Variants in PDK1 observed in about 807,000 individuals in gnomAD.
PDK1 encodes the protein [Pyruvate dehydrogenase (acetyl-transferring)] kinase isozyme 1, mitochondrial.
Under a neutral mutation model 54.2 loss-of-function variants are expected in PDK1, and 39 were observed. The ratio of observed to expected loss-of-function variants is 0.72; its 90% CI spans 0.56 to 0.94. The LOEUF (loss-of-function observed/expected upper bound fraction) is 0.94. PDK1 is among the 40% of genes least tolerant of loss of function. The pLI is 0.00. For synonymous variants in PDK1, 221 were observed against 207.1 expected (o/e 1.07, Z -0.58); for missense variants, 552 against 566.0 (o/e 0.98, Z 0.25).
intron 8 of PDK1, among the ~76,000 whole-genome samples, chr2:172,585,623 T>C (rs1431951079): frequency 6.6e-6 from 1 of 152,078 alleles, no homozygotes; most frequent in Admixed American, 6.6e-5. Flanking sequence ...TTTAATTTGC[T>C]TCTAGTCACC....
intron 5 of PDK1, among the ~76,000 whole-genome samples, chr2:172,565,581 G>A (rs935861176): frequency 6.8e-6 from 1 of 146,580 alleles, no homozygotes; most frequent in Non-Finnish European, 1.5e-5. Flanking sequence ...GATTACAGGC[G>A]TGAGCCACCG....
the PDK1 span, among the ~76,000 whole-genome samples, chr2:172,647,041 G>A: frequency 1.3e-5 from 2 of 152,080 alleles, no homozygotes; most frequent in African/African-American, 2.4e-5. Context: ...CCAGCCTAAC[G>A]TGTTCCCAGG....
chr2:172,583,743 GGTAA>G (rs1403688939), intron 8 of PDK1, among the ~76,000 whole-genome samples: 1 of 151,712 alleles, frequency 6.6e-6, no homozygotes, highest in Non-Finnish European at 1.5e-5. Flanking sequence ...CCATTATAAA[GGTAA>G]TATATATATA....
At chr2:172,571,527 G>C (rs1393021519) in intron 8 of PDK1, among the ~76,000 whole-genome samples, 1 of 152,018 alleles carries the variant, frequency 6.6e-6, no homozygotes, top group Non-Finnish European at 1.5e-5. Context: ...TGCAAGCCTG[G>C]CTAATTAAAA....
At chr2:172,664,347 T>C in the PDK1 span, among the ~76,000 whole-genome samples, 2 of 128,768 alleles carry the variant, frequency 1.6e-5, no homozygotes, top group African/African-American at 5.7e-5. Context: ...ATTGCCTTGC[T>C]TTATATGTTG....
rs748707861 is a variant in PDK1 at position 172,570,802 on chromosome 2, G to A, written c.923G>A (p.Gly308Asp). The stretch of plus-strand genomic sequence containing the variant: ...CCTATTCAAGTTCATGTCACGCTGG[G>A]TAATGAGGATTTGACTGTGAAGGTA... Reference protein sequence around the residue: ...YPPIQVHVTLGNEDLTVKMSD... With the variant: ...YPPIQVHVTLDNEDLTVKMSD... Residue 308 changes from glycine to aspartate, a missense_variant, in exon 8 of 11, where the codon GGT becomes GAT. Gly to Asp is a moderately conservative substitution (Grantham distance 94, BLOSUM62 -1). Coordinates refer to ENST00000282077, the MANE Select transcript of PDK1 (RefSeq NM_002610.5). 1.9e-6 allele frequency: 3 copies of A among 1,605,680 alleles called. No individual in the cohort carries two copies. Among genetic ancestry groups the A allele is most frequent in the Non-Finnish European group, 2.6e-6 (3 of 1,173,154 alleles).
At chr2:172,718,853 A>G in the PDK1 span, among the ~76,000 whole-genome samples, 2 of 152,214 alleles carry the variant, frequency 1.3e-5, no homozygotes, top group Non-Finnish European at 2.9e-5. Flanking sequence ...ATATGTTTAT[A>G]TATTTTAAAA....
intron 8 of PDK1, among the ~76,000 whole-genome samples, chr2:172,586,028 A>G (rs11884789): frequency 0.36 from 54,418 of 151,600 alleles, 11,914 homozygotes; most frequent in East Asian, 0.77. Flanking sequence ...GCATGGTGGC[A>G]GGCGCCTGTA....
the PDK1 span, among the ~76,000 whole-genome samples, chr2:172,665,542 C>T: frequency 1.3e-5 from 2 of 152,116 alleles, no homozygotes; most frequent in African/African-American, 4.8e-5. Context: ...TTGTTTGGAT[C>T]CATGAAGAGG....
the PDK1 span, among the ~76,000 whole-genome samples, chr2:172,710,088 C>T: frequency 1.3e-5 from 2 of 152,152 alleles, no homozygotes; most frequent in Non-Finnish European, 1.5e-5. Flanking sequence ...GCCAGGGGAA[C>T]TTAGTGCAGG....
At position 172,564,555 on chromosome 2, in the gene PDK1, A is replaced by G; in HGVS notation, c.463A>G (p.Thr155Ala). The change falls in exon 4 of 11, where the codon ACA becomes GCA. Residue 155 changes from threonine (T) to alanine (A), a missense_variant. Thr to Ala is a moderately conservative substitution (Grantham distance 58, BLOSUM62 0). Transcript: ENST00000282077. ...AAACCGACACAATGATGTCATTCCC[A>G]CAATGGCCCAGGGTGTGATTGAATA... ...IRNRHNDVIP[T>A]MAQGVIEYKE... 2 of 1,614,120 alleles carry G rather than the reference A, an allele frequency of 1.2e-6. No individual in the cohort carries two copies. Among genetic ancestry groups the G allele is most frequent in the Non-Finnish European group, 1.7e-6 (2 of 1,179,946 alleles).
At chr2:172,622,850 A>G in the PDK1 span, among the ~76,000 whole-genome samples, 1 of 147,224 alleles carries the variant, frequency 6.8e-6, no homozygotes, top group Non-Finnish European at 1.5e-5. Flanking sequence ...ATATGTTTAT[A>G]TATTATATGT....
the PDK1 span, chr2:172,677,289 A>G: frequency 6.6e-6 from 1 of 152,334 alleles, no homozygotes; most frequent in Admixed American, 6.5e-5. Flanking sequence ...GGGACCGGAA[A>G]GTTCAGAGAT....
the PDK1 span, among the ~76,000 whole-genome samples, chr2:172,617,361 TA>T: frequency 1.3e-5 from 2 of 152,096 alleles, no homozygotes; most frequent in Non-Finnish European, 2.9e-5. Flanking sequence ...TTATATTAAA[TA>T]AAAAATATTC....
chr2:172,579,779 T>C (rs1296971612), intron 8 of PDK1, among the ~76,000 whole-genome samples: 1 of 151,912 alleles, frequency 6.6e-6, no homozygotes. Context: ...TTTTCTTACT[T>C]ACTGGGCTGT....
Position 172,568,783 on chromosome 2 carries a change from C to T in PDK1, c.812C>T (p.Ser271Phe), listed in dbSNP as rs779482243. The T allele has an allele frequency of 6.2e-7, 1 of 1,608,202 alleles. No individual in the cohort carries two copies. Among genetic ancestry groups the T allele is most frequent in the Non-Finnish European group, 8.5e-7 (1 of 1,174,618 alleles). ...CCAATACAAGTGGTTTATGTACCATCCCATCTCTATCACATGGTGTTTGAA... is the reference window on the plus strand; with the variant it reads ...CCAATACAAGTGGTTTATGTACCATTCCATCTCTATCACATGGTGTTTGAA... Reference protein sequence around the residue: ...GQPIQVVYVPSHLYHMVFELF... With the variant: ...GQPIQVVYVPFHLYHMVFELF... Residue 271 changes from serine to phenylalanine, a missense_variant, in exon 7 of 11, where the codon TCC becomes TTC. Coordinates refer to ENST00000282077, the MANE Select transcript of PDK1 (RefSeq NM_002610.5).
chr2:172,686,932 T>C, the PDK1 span, among the ~76,000 whole-genome samples: 1 of 152,242 alleles, frequency 6.6e-6, no homozygotes. Flanking sequence ...CATCTGTCTT[T>C]GATATCATCT....
chr2:172,629,468 C>A, the PDK1 span, among the ~76,000 whole-genome samples: 2 of 152,098 alleles, frequency 1.3e-5, no homozygotes, highest in African/African-American at 4.8e-5. Flanking sequence ...ACAGTGAGAT[C>A]TCAGAGAAGA....
the PDK1 span, among the ~76,000 whole-genome samples, chr2:172,658,338 T>A: frequency 6.6e-5 from 10 of 152,368 alleles, no homozygotes; most frequent in Admixed American, 2.6e-4. Context: ...ATAAATTTCT[T>A]ACGCCTGTCT....
Sources: gnomAD v4.1 joint callset for allele counts (sites outside exome capture counted in the v4.1 genomes callset) on GRCh38, gnomAD v4.1.1 for gene constraint, MANE v1.5 for transcripts, NCBI Gene and HGNC (gene_info 2026-07-23, HGNC 2026-07-21) for gene names.